PCDHGB3: variants seen among roughly 807,000 people sequenced by gnomAD.
PCDHGB3 encodes the protein protocadherin gamma subfamily B, 3.
A neutral mutation model predicts 59.2 loss-of-function variants in PCDHGB3; 40 were observed. The observed-to-expected ratio is 0.68, with a 90% CI of 0.52 to 0.88. The LOEUF is 0.88. PCDHGB3 is among the 40% of genes least tolerant of loss of function. The pLI, the probability that PCDHGB3 is intolerant of heterozygous loss-of-function variation, is 0.00. For synonymous variants in PCDHGB3, 581 were observed against 503.6 expected (o/e 1.15, Z -2.06); for missense variants, 1,309 against 1,187.9 (o/e 1.10, Z -1.50).
In PCDHGB3 at chr5:141,372,599, T is replaced by C. The variant is rs1768901288; in HGVS notation, c.2205T>C (p.Thr735=). ...GYFQPGVCFK[T]VPGVLPTYSE... The stretch of plus-strand genomic sequence containing the variant: ...TTCAGCCTGGTGTCTGCTTCAAGAC[T>C]GTACCTGGAGTTCTCCCCACCTACA... The change falls in exon 1 of 4, where the codon ACT becomes ACC. Residue 735 remains threonine, a synonymous_variant. Coordinates refer to ENST00000576222, the MANE Select transcript of PCDHGB3 (RefSeq NM_018924.5). 6.2e-7 allele frequency: 1 copy of C among 1,613,920 alleles called. No individual in the cohort carries two copies. Among genetic ancestry groups the C allele is most frequent in the Non-Finnish European group, 8.5e-7 (1 of 1,179,896 alleles).
At chr5:141,460,456 T>C (rs2098989632) in intron 1 of PCDHGB3, among the ~76,000 whole-genome samples, 1 of 152,124 alleles carries the variant, frequency 6.6e-6, no homozygotes, top group South Asian at 2.1e-4. Flanking sequence ...AAGATTCATA[T>C]TTTTTTCCAA....
intron 1 of PCDHGB3, among the ~76,000 whole-genome samples, chr5:141,446,664 G>A (rs116573282): frequency 0.012 from 1,821 of 152,192 alleles, 38 homozygotes; most frequent in African/African-American, 0.042. Context: ...TTTAGTACAA[G>A]ACAGCATTTC....
intron 1 of PCDHGB3, chr5:141,421,220 A>T (rs1178268746): frequency 6.3e-7 from 1 of 1,575,620 alleles, no homozygotes; most frequent in East Asian, 2.3e-5. Context: ...ATCGGCTTAG[A>T]GCCTGCCATG....
intron 1 of PCDHGB3, chr5:141,384,103 T>A (rs1305926581): frequency 6.2e-7 from 1 of 1,600,344 alleles, no homozygotes; most frequent in Non-Finnish European, 8.5e-7. Flanking sequence ...AGATAATTAT[T>A]ATAGATTGGT....
rs62378448 is a variant in PCDHGB3, at chr5:141,400,064, G to C, written c.2415+27255G>C. On this transcript the variant is annotated intron_variant, in intron 1 of 3. Transcript: ENST00000576222. ...CTGCTGGTTGCTGTGCGTGATGGTG[G>C]ACAGCCGCCACTCTCCGCCACCGCC... The C allele has an allele frequency of 7.6e-4, 1,225 of 1,613,770 alleles. No homozygotes were observed. The highest frequency in any genetic ancestry group is 9.7e-4 in the Non-Finnish European group (1,150 of 1,179,858).
intron 1 of PCDHGB3, chr5:141,418,511 G>A: frequency 5.6e-6 from 9 of 1,613,974 alleles, no homozygotes; most frequent in Non-Finnish European, 7.6e-6. Context: ...CTTAGATGGT[G>A]GGGACCCTCC....
chr5:141,490,009 A>T lies in PCDHGB3; in HGVS notation c.2416-4798A>T. Reference sequence around the variant, plus strand: ...TGTGGGAATCCCAGAGAATGCACCCATTGGTACTCTGCTGCTCCGCCTCAA... The same window carrying T: ...TGTGGGAATCCCAGAGAATGCACCCTTTGGTACTCTGCTGCTCCGCCTCAA... On this transcript the variant is annotated intron_variant, in intron 1 of 3. Transcript: ENST00000576222. The surrounding 1 kb of genome is among the most constrained non-coding windows in gnomAD (Gnocchi z 5.4). 5 of 1,614,214 alleles carry T rather than the reference A, an allele frequency of 3.1e-6. No individual in the cohort carries two copies. The highest frequency in any genetic ancestry group is 4.2e-6 in the Non-Finnish European group (5 of 1,180,032).
rs1025985501 is a variant in PCDHGB3 at position 141,432,385 on chromosome 5, C to G, written c.2415+59576C>G. 2.5e-6 allele frequency: 4 copies of G among 1,614,138 alleles called. No homozygotes were observed. In the African/African-American group the frequency reaches 5.3e-5, roughly 22 times the overall value. Reference sequence around the variant, plus strand: ...CGCGGGACAACGGGCACCCGCCCCTCAGCAGCAACGTGTCGTTGAGCCTGT... The same window carrying G: ...CGCGGGACAACGGGCACCCGCCCCTGAGCAGCAACGTGTCGTTGAGCCTGT... On this transcript the variant is annotated intron_variant, in intron 1 of 3. Transcript: ENST00000576222. The surrounding 1 kb of genome is among the most constrained non-coding windows in gnomAD (Gnocchi z 6.0).
chr5:141,443,392 T>C (rs151260637), intron 1 of PCDHGB3, among the ~76,000 whole-genome samples: 1,653 of 151,736 alleles, frequency 0.011, 7 homozygotes, highest in Middle Eastern at 0.038. Flanking sequence ...GGCTGAGGTG[T>C]GAGGATCACC....
In PCDHGB3 at chr5:141,372,306, G is replaced by A. The variant is rs771102617; in HGVS notation, c.1912G>A (p.Ala638Thr). The change falls in exon 1 of 4, where the codon GCC becomes ACC. Residue 638 changes from alanine (A) to threonine (T), a missense_variant. Physicochemically the swap from Ala to Thr is moderately conservative, Grantham distance 58 (BLOSUM62 0). Transcript: ENST00000576222. ...TARTLGDREA[A>T]RQRLLVTVRD... ...GCGTACCTTGGGCGACAGGGAGGCC[G>A]CCCGCCAGCGCCTGCTGGTCACTGT... is the stretch of plus-strand genomic sequence containing the variant. 4 of 1,613,152 alleles carry A rather than the reference G, an allele frequency of 2.5e-6. No individual in the cohort carries two copies. The highest frequency in any genetic ancestry group is 3.4e-6 in the Non-Finnish European group (4 of 1,179,880).
At chr5:141,473,735 A>G (rs529416084) in intron 1 of PCDHGB3, among the ~76,000 whole-genome samples, 75 of 152,352 alleles carry the variant, frequency 4.9e-4, no homozygotes, top group African/African-American at 1.6e-3. Context: ...GAGAGGGAGA[A>G]GACATGAGAA....
chr5:141,446,455 T>G (rs1347586383), intron 1 of PCDHGB3, among the ~76,000 whole-genome samples: 1 of 151,858 alleles, frequency 6.6e-6, no homozygotes, highest in Non-Finnish European at 1.5e-5. Context: ...AGATATTCAG[T>G]GTGTGATTAG....
intron 1 of PCDHGB3, chr5:141,399,855 C>A (rs773247537): frequency 2.5e-6 from 4 of 1,612,892 alleles, no homozygotes; most frequent in Non-Finnish European, 2.5e-6. Context: ...TGGTGCCGCG[C>A]GCTGCAGAGC....
chr5:141,387,978 C>T, intron 1 of PCDHGB3: 1 of 1,487,640 alleles, frequency 6.7e-7, no homozygotes, highest in Non-Finnish European at 9.1e-7. Flanking sequence ...GCTCTGTGAG[C>T]AGATCCGCTA....
At chr5:141,398,228 G>A (rs2150736860) in intron 1 of PCDHGB3, 1 of 1,475,144 alleles carries the variant, frequency 6.8e-7, no homozygotes, top group East Asian at 2.5e-5. Flanking sequence ...GAGCAGATCC[G>A]CTACAGGATT....
Position 141,371,697 on chromosome 5 carries a change from A to T in PCDHGB3, c.1303A>T (p.Ser435Cys), listed in dbSNP as rs1002155350. The change falls in exon 1 of 4, where the codon AGC becomes TGC. Residue 435 changes from serine to cysteine, a missense_variant. Physicochemically the swap from Ser to Cys is moderately radical, Grantham distance 112. Coordinates refer to ENST00000576222, the MANE Select transcript of PCDHGB3 (RefSeq NM_018924.5). Reference sequence around the variant, plus strand: ...CAAAGGCAATCCACCGCTCTCCTCCAGCAAGACCATCACTCTGCACATCCT... The same window carrying T: ...CAAAGGCAATCCACCGCTCTCCTCCTGCAAGACCATCACTCTGCACATCCT... The part of the protein sequence containing the change: ...TDKGNPPLSS[S>C]KTITLHILDV... 6.2e-7 allele frequency: 1 copy of T among 1,613,958 alleles called. No individual in the cohort carries two copies. The highest frequency in any genetic ancestry group is 1.3e-5 in the African/African-American group (1 of 74,948).
chr5:141,436,309 T>C (rs1228417864), intron 1 of PCDHGB3, among the ~76,000 whole-genome samples: 1 of 152,198 alleles, frequency 6.6e-6, no homozygotes, highest in Non-Finnish European at 1.5e-5. Flanking sequence ...AGAGCATGAA[T>C]AGTCAAGACT....
In PCDHGB3 at chr5:141,485,979, C is replaced by G; in HGVS notation, c.2416-8828C>G. 1 of 1,614,182 alleles carries G rather than the reference C, an allele frequency of 6.2e-7. No individual in the cohort carries two copies. Among genetic ancestry groups the G allele is most frequent in the Non-Finnish European group, 8.5e-7 (1 of 1,180,022 alleles). On this transcript the variant is annotated intron_variant, in intron 1 of 3. Coordinates refer to ENST00000576222, the MANE Select transcript of PCDHGB3 (RefSeq NM_018924.5). The surrounding 1 kb of genome is among the most constrained non-coding windows in gnomAD (Gnocchi z 5.7). ...CTCATCCAGCTCAATGCCTCAGACC[C>G]GGACCTGGGTCCCAGTGGTAACGTC...
At chr5:141,418,536 C>G (rs1196331424) in intron 1 of PCDHGB3, 6 of 1,614,026 alleles carry the variant, frequency 3.7e-6, no homozygotes, top group South Asian at 1.1e-5. Flanking sequence ...AGCGGTACTG[C>G]TCAGATAAGA....
Sources: gnomAD v4.1 joint callset for allele counts (sites outside exome capture counted in the v4.1 genomes callset) on GRCh38, gnomAD v4.1.1 for gene constraint, Gnocchi (gnomAD v3.1) non-coding constraint, MANE v1.5 for transcripts, NCBI Gene and HGNC (gene_info 2026-07-23, HGNC 2026-07-21) for gene names.